The following HADH variants were observed in gnomAD, a reference collection of about 807,000 sequenced individuals.
The protein encoded by HADH is hydroxyacyl-CoA dehydrogenase, also known as hydroxyacyl-coenzyme A dehydrogenase, mitochondrial.
Under a neutral mutation model 32.2 loss-of-function variants are expected in HADH, and 24 were observed. That is an observed-to-expected ratio of 0.75 (90% CI 0.54 to 1.05). The LOEUF (loss-of-function observed/expected upper bound fraction) is 1.05. HADH is among the 50% of genes least tolerant of loss of function. The pLI is 0.00. For synonymous variants in HADH, 139 were observed against 152.5 expected (o/e 0.91, Z 0.65); for missense variants, 350 against 397.1 (o/e 0.88, Z 1.01).
At chr4:107,994,451 T>C (rs183483088) in intron 1 of HADH, among the ~76,000 whole-genome samples, 2 of 152,318 alleles carry the variant, frequency 1.3e-5, no homozygotes, top group East Asian at 3.9e-4. Flanking sequence ...CCCCCAAATC[T>C]GCATTTTCTG....
chr4:107,994,740 C>T (rs1734905630), intron 1 of HADH, among the ~76,000 whole-genome samples: 1 of 152,168 alleles, frequency 6.6e-6, no homozygotes, highest in African/African-American at 2.4e-5. Context: ...AGTTTTCCCC[C>T]TACTTCCCGA....
intron 3 of HADH, among the ~76,000 whole-genome samples, chr4:108,016,231 A>T (rs1578256180): frequency 6.6e-6 from 1 of 152,274 alleles, no homozygotes; most frequent in South Asian, 2.1e-4. Flanking sequence ...CTTGGTTGGA[A>T]TTGAATGGCA....
intron 2 of HADH, among the ~76,000 whole-genome samples, chr4:108,011,828 T>G (rs1735503645): frequency 6.6e-6 from 1 of 152,198 alleles, no homozygotes; most frequent in South Asian, 2.1e-4. Flanking sequence ...CATGTTTGTT[T>G]TGTTTTGTTT....
intron 2 of HADH, 90 bp downstream of exon 2, chr4:108,009,977 C>CTTTTTTTTTT (rs11388783): frequency 1.2e-4 from 66 of 551,886 alleles, no homozygotes; most frequent in Non-Finnish European, 1.3e-4. Flanking sequence ...TTCTTTCTTT[C>CTTTTTTTTTT]TTTTTTTTTT....
chr4:108,032,344 G>A, intron 6 of HADH: 1 of 1,601,922 alleles, frequency 6.2e-7, no homozygotes, highest in Non-Finnish European at 8.5e-7. Context: ...AACGTGTGGT[G>A]ATTCTAACTC....
intron 3 of HADH, among the ~76,000 whole-genome samples, chr4:108,015,881 C>G: frequency 6.6e-6 from 1 of 151,998 alleles, no homozygotes; most frequent in East Asian, 2.0e-4. Context: ...CTTCTGTGCT[C>G]CACTCTCGGG....
rs547865728 is a variant in HADH at position 107,998,988 on chromosome 4, A to T, written c.132+8924A>T. Reference sequence around the variant, plus strand: ...TGTCTTCCTCCTCTCAAAATTGATGATCCTGATTATCTGTAGCTAATAAGC... The same window carrying T: ...TGTCTTCCTCCTCTCAAAATTGATGTTCCTGATTATCTGTAGCTAATAAGC... On this transcript the variant is annotated intron_variant, in intron 1 of 7. Coordinates refer to ENST00000309522, the MANE Select transcript of HADH (RefSeq NM_005327.7). Among the ~76,000 whole-genome samples, 41 of 152,290 alleles carry T rather than the reference A, an allele frequency of 2.7e-4. 1 individual carries two copies. The South Asian group carries it at 8.5e-3, about 32-fold the overall frequency.
At chr4:108,025,308 G>A (rs1309867510) in intron 5 of HADH, 2 of 152,130 alleles carry the variant, frequency 1.3e-5, no homozygotes, top group Non-Finnish European at 2.9e-5. Context: ...TATAGGTTAA[G>A]GGTATGAACT....
chr4:107,990,024 C>T lies in HADH; in HGVS notation c.92C>T (p.Thr31Met), dbSNP rs777924030. 2 of 1,611,678 alleles carry T rather than the reference C, an allele frequency of 1.2e-6. No homozygotes were observed. Among genetic ancestry groups the T allele is most frequent in the Non-Finnish European group, 1.7e-6 (2 of 1,179,326 alleles). Reference protein sequence around the residue: ...SAKKIIVKHVTVIGGGLMGAG... With the variant: ...SAKKIIVKHVMVIGGGLMGAG... ...AAGAAGATAATCGTCAAGCACGTGA[C>T]GGTCATCGGCGGCGGGCTGATGGGC... Residue 31 changes from threonine to methionine, a missense_variant, in exon 1 of 8, where the codon ACG (threonine) becomes ATG (methionine). Transcript: ENST00000309522.
chr4:108,019,067 C>T (rs6533338), intron 3 of HADH, among the ~76,000 whole-genome samples: 134,392 of 152,190 alleles, frequency 0.88, 59,877 homozygotes, highest in East Asian at 0.97. Flanking sequence ...TCTTAATTCA[C>T]GTTTATTATC....
intron 1 of HADH, among the ~76,000 whole-genome samples, chr4:108,007,198 C>G (rs1381378290): frequency 6.6e-6 from 1 of 152,174 alleles, no homozygotes; most frequent in Non-Finnish European, 1.5e-5. Flanking sequence ...GCTCCGCCTC[C>G]CACATTCACA....
At chr4:107,997,766 A>G (rs1446298035) in intron 1 of HADH, among the ~76,000 whole-genome samples, 1 of 152,156 alleles carries the variant, frequency 6.6e-6, no homozygotes, top group East Asian at 1.9e-4. Context: ...TGGTCACTCA[A>G]ACTGCCAGGA....
chr4:107,997,018 A>G (rs889495759), intron 1 of HADH, among the ~76,000 whole-genome samples: 12 of 152,228 alleles, frequency 7.9e-5, no homozygotes, highest in Admixed American at 3.9e-4. Flanking sequence ...AGAGTTCAAG[A>G]CATTACACAA....
At chr4:108,014,703 C>A in intron 3 of HADH, 115 bp downstream of exon 3, 1 of 920,906 alleles carries the variant, frequency 1.1e-6, no homozygotes, top group Non-Finnish European at 1.7e-6. Flanking sequence ...TGTTCCATGC[C>A]TATATTGTGT....
At chr4:107,998,273 G>A (rs191769711) in intron 1 of HADH, among the ~76,000 whole-genome samples, 1 of 152,080 alleles carries the variant, frequency 6.6e-6, no homozygotes, top group East Asian at 1.9e-4. Flanking sequence ...CTTACTAACT[G>A]GAAATGATTG....
intron 1 of HADH, among the ~76,000 whole-genome samples, chr4:108,008,393 T>C (rs1273682494): frequency 1.3e-5 from 2 of 152,240 alleles, no homozygotes; most frequent in Non-Finnish European, 1.5e-5. Context: ...CACTGTGTGC[T>C]GCTTTCTCAG....
At chr4:107,995,736 C>T (rs570520060) in intron 1 of HADH, among the ~76,000 whole-genome samples, 8 of 152,312 alleles carry the variant, frequency 5.3e-5, no homozygotes, top group Admixed American at 2.6e-4. Flanking sequence ...CTCTTCTGTT[C>T]TGCTGCCTGT....
chr4:108,032,606 T>C, intron 6 of HADH: 1 of 446,504 alleles, frequency 2.2e-6, no homozygotes, highest in African/African-American at 1.9e-5. Context: ...TATTTGAAAG[T>C]AGCTGAAGTT....
At chr4:108,004,964 A>G in intron 1 of HADH, 1 of 1,405,390 alleles carries the variant, frequency 7.1e-7, no homozygotes. Context: ...TGGTACTAAA[A>G]GGAATGTTAA....
Sources: allele counts gnomAD v4.1 joint callset (sites outside exome capture counted in the v4.1 genomes callset), GRCh38; gene constraint gnomAD v4.1.1; transcripts MANE v1.5; gene names NCBI Gene and HGNC (gene_info 2026-07-23, HGNC 2026-07-21).